Variants in CDH26 observed in about 807,000 individuals in gnomAD.
The protein encoded by CDH26 is cadherin-like protein 26.
In CDH26, 83 loss-of-function variants were observed where a neutral mutation model predicts 90.3. The observed-to-expected ratio is 0.92, with a 90% confidence interval of 0.77 to 1.10. The LOEUF (loss-of-function observed/expected upper bound fraction) is 1.10, where lower values mean the gene tolerates loss of function less well. Ranked by LOEUF, CDH26 falls within the 50% of genes least tolerant of loss-of-function variation. CDH26 has a pLI of 0.00. For synonymous variants in CDH26, 397 were observed against 396.3 expected, an observed-to-expected ratio of 1.00 and a Z score of -0.02; for missense variants, 1,013 against 1,037.6, an observed-to-expected ratio of 0.98 and a Z score of 0.33.
chr20:59,997,799 A>G (rs1264473380), intron 13 of CDH26, among the ~76,000 whole-genome samples: 3 of 152,272 alleles, frequency 2.0e-5, no homozygotes, highest in African/African-American at 7.2e-5. Flanking sequence ...TAGGGAAAAG[A>G]TATTCCAATG....
Position 59,958,565 on chromosome 20 carries a change from G to T in CDH26, c.-162G>T, listed in dbSNP as rs1441232529. The T allele has an allele frequency of 5.9e-6, 4 of 681,886 alleles. No individual in the cohort carries two copies. Among genetic ancestry groups the T allele is most frequent in the Non-Finnish European group, 1.1e-5 (4 of 380,494 alleles). The allele number at this position is 681,886 out of a possible 1,614,324, so 42.2% of individuals were successfully genotyped here. ...TGATAAATGCAAGAAAAGCTGAAAA[G>T]GGAGGAGCAAGATGGGATGAAAGCA... On this transcript the variant is annotated 5_prime_UTR_variant, in exon 1 of 18. The change creates a new upstream start codon in the 5' untranslated region. Coordinates refer to ENST00000348616, the MANE Select transcript of CDH26 (RefSeq NM_177980.4).
At chr20:60,024,917 C>T (rs530161395) in intron 7 of CDH26, among the ~76,000 whole-genome samples, 10 of 152,296 alleles carry the variant, frequency 6.6e-5, no homozygotes, top group South Asian at 6.2e-4. Flanking sequence ...CAGAGGTGGT[C>T]GTGCAAGTTC....
chr20:60,002,852 A>T lies in CDH26; in HGVS notation c.2206A>T (p.Ile736Leu), dbSNP rs766944746. The T allele has an allele frequency of 6.3e-7, 1 of 1,598,314 alleles. No homozygotes were observed. The highest frequency in any genetic ancestry group is 1.3e-5 in the African/African-American group (1 of 74,830). Residue 736 changes from isoleucine to leucine, a missense_variant, in exon 16 of 18, where the codon ATA (isoleucine) becomes TTA (leucine). By Grantham distance (5) the Ile-to-Leu change is conservative. Coordinates refer to ENST00000348616, the MANE Select transcript of CDH26 (RefSeq NM_177980.4). ...KPFEPRSVKN[I>L]HSTPAYPDAT... ...CTTTGAGCCAAGAAGTGTGAAAAAC[A>T]TACACTCTACTCCTGTAAGTATAGA...
At chr20:59,976,188 G>A (rs1173205678) in intron 4 of CDH26, among the ~76,000 whole-genome samples, 1 of 152,106 alleles carries the variant, frequency 6.6e-6, no homozygotes, top group African/African-American at 2.4e-5. Context: ...ATGTAAGGCC[G>A]CAGATCTTGT....
intron 1 of CDH26, among the ~76,000 whole-genome samples, chr20:59,967,949 T>TTCTA (rs1362129101): frequency 4.7e-4 from 48 of 101,554 alleles, no homozygotes; most frequent in Non-Finnish European, 7.4e-4. Flanking sequence ...CTTTCTTTCT[T>TTCTA]TCTTTCTATC....
chr20:59,995,681 G>C, intron 11 of CDH26, 152 bp from the exon 12 acceptor site: 2 of 645,650 alleles, frequency 3.1e-6, no homozygotes, highest in South Asian at 3.7e-5. Context: ...GATGTCAGAA[G>C]TGAGGGTACC....
chr20:60,020,237 G>A (rs2061941850), intron 7 of CDH26, among the ~76,000 whole-genome samples: 1 of 152,190 alleles, frequency 6.6e-6, no homozygotes, highest in African/African-American at 2.4e-5. Flanking sequence ...CTCAGGCCTG[G>A]GACAGGGACA....
chr20:59,994,715 A>G (rs1183197015), intron 11 of CDH26, among the ~76,000 whole-genome samples: 1 of 152,066 alleles, frequency 6.6e-6, no homozygotes, highest in Non-Finnish European at 1.5e-5. Flanking sequence ...ATCAGGGGGT[A>G]GGAGGCTGCT....
intron 4 of CDH26, among the ~76,000 whole-genome samples, chr20:59,977,158 G>A (rs765266467): frequency 6.6e-6 from 1 of 152,138 alleles, no homozygotes; most frequent in Non-Finnish European, 1.5e-5. Flanking sequence ...GGCCATCTAC[G>A]GGAAGGGCTG....
At chr20:59,993,229 A>C (rs538876917) in intron 10 of CDH26, among the ~76,000 whole-genome samples, 1 of 152,062 alleles carries the variant, frequency 6.6e-6, no homozygotes, top group Non-Finnish European at 1.5e-5. Context: ...TCTGTTATGG[A>C]TGATTTTATG....
intron 7 of CDH26, 43 bp downstream of exon 7, chr20:59,985,172 G>T: frequency 6.2e-7 from 1 of 1,609,260 alleles, no homozygotes; most frequent in African/African-American, 1.3e-5. Flanking sequence ...CCCAAAACAA[G>T]TAGCCCTTGG....
intron 1 of CDH26, among the ~76,000 whole-genome samples, chr20:59,967,999 CTTT>C (rs2061195526): frequency 1.7e-5 from 2 of 117,668 alleles, no homozygotes; most frequent in African/African-American, 6.9e-5. Context: ...TTCTTTCTTT[CTTT>C]CTTTCTTTCT....
At chr20:59,963,065 T>C (rs2061096681) in intron 1 of CDH26, among the ~76,000 whole-genome samples, 1 of 152,076 alleles carries the variant, frequency 6.6e-6, no homozygotes, top group African/African-American at 2.4e-5. Flanking sequence ...TGTGTGAGTG[T>C]TGTATGTTAA....
intron 4 of CDH26, among the ~76,000 whole-genome samples, chr20:59,972,367 G>A (rs2061273465): frequency 1.3e-5 from 2 of 152,310 alleles, no homozygotes; most frequent in Admixed American, 6.5e-5. Flanking sequence ...CTAATGACCA[G>A]TGTCCTAGCA....
intron 17 of CDH26, among the ~76,000 whole-genome samples, chr20:60,011,331 A>T (rs1329747916): frequency 6.6e-6 from 1 of 152,160 alleles, no homozygotes; most frequent in Non-Finnish European, 1.5e-5. Flanking sequence ...ACTCACTATG[A>T]TGTATTTAAT....
intron 17 of CDH26, among the ~76,000 whole-genome samples, chr20:60,007,911 G>A (rs538080998): frequency 6.6e-6 from 1 of 152,232 alleles, no homozygotes; most frequent in Admixed American, 6.5e-5. Flanking sequence ...TCTGATTTTG[G>A]GTACATCCTG....
At chr20:59,980,544 C>G (rs377700936) in intron 4 of CDH26, among the ~76,000 whole-genome samples, 1 of 151,990 alleles carries the variant, frequency 6.6e-6, no homozygotes, top group African/African-American at 2.4e-5. Flanking sequence ...GTAATCCACC[C>G]GGCTAGGCCT....
intron 7 of CDH26, among the ~76,000 whole-genome samples, chr20:60,023,759 GA>G (rs910917992): frequency 4.6e-5 from 7 of 152,132 alleles, no homozygotes; most frequent in Non-Finnish European, 8.8e-5. Context: ...TTGCAGGGTT[GA>G]AAAAACAACT....
intron 7 of CDH26, among the ~76,000 whole-genome samples, chr20:60,021,897 C>CACACACCCACACACACACAT (rs1295572684): frequency 1.3e-5 from 1 of 78,938 alleles, no homozygotes; most frequent in African/African-American, 4.0e-5. Flanking sequence ...CACACACACA[C>CACACACCCACACACACACAT]ATATATATAT....
Sources: allele counts gnomAD v4.1 joint callset (sites outside exome capture counted in the v4.1 genomes callset), GRCh38; gene constraint gnomAD v4.1.1; transcripts MANE v1.5; gene names NCBI Gene and HGNC (gene_info 2026-07-23, HGNC 2026-07-21).